The following SGK3 variants were observed in gnomAD, a reference collection of about 807,000 sequenced individuals.
SGK3 encodes the protein serum/glucocorticoid regulated kinase family member 3.
In SGK3, 47 loss-of-function variants were observed where a neutral mutation model predicts 68.5. The ratio of observed to expected loss-of-function variants is 0.69; its 90% CI spans 0.54 to 0.87. The LOEUF is 0.87. SGK3 is among the 40% of genes least tolerant of loss of function. SGK3 has a pLI of 0.00. For missense variants in SGK3, 479 were observed against 575.5 expected, an observed-to-expected ratio of 0.83 and a Z score of 1.72; for synonymous variants, 181 against 189.1, an observed-to-expected ratio of 0.96 and a Z score of 0.35.
intron 4 of SGK3, among the ~76,000 whole-genome samples, chr8:66,810,948 T>C (rs1454358851): frequency 1.3e-5 from 2 of 152,214 alleles, no homozygotes; most frequent in African/African-American, 2.4e-5. Context: ...CCTGTACTTT[T>C]TGTTAACATT....
chr8:66,815,661 C>T (rs1808545735), intron 5 of SGK3, among the ~76,000 whole-genome samples: 1 of 152,054 alleles, frequency 6.6e-6, no homozygotes, highest in Admixed American at 6.6e-5. Context: ...CTTCCTTTGA[C>T]GAGCGGGCAT....
intron 1 of SGK3, among the ~76,000 whole-genome samples, chr8:66,768,896 A>G (rs1349892661): frequency 1.3e-5 from 2 of 152,176 alleles, no homozygotes; most frequent in African/African-American, 4.8e-5. Flanking sequence ...CTGATGAGAA[A>G]TATGCTGACA....
intron 1 of SGK3, among the ~76,000 whole-genome samples, chr8:66,780,010 A>G (rs906440291): frequency 2.0e-4 from 31 of 152,254 alleles, no homozygotes; most frequent in African/African-American, 7.2e-4. Flanking sequence ...GTGTGTTATC[A>G]GATAGAATCA....
rs371749099 is a variant in SGK3 at position 66,757,927 on chromosome 8, G to GTATA, written c.-121-35676_-121-35673dup. Among the ~76,000 whole-genome samples, 1,327 of 134,210 alleles carry GTATA rather than the reference G, an allele frequency of 9.9e-3. 20 individuals are homozygous for GTATA. The highest frequency in any genetic ancestry group is 0.025 in the African/African-American group (896 of 35,268). The allele number at this position is 134,210 out of a possible 152,430, so 88.0% of individuals were successfully genotyped here. A position where few individuals can be genotyped will look rare whatever the true frequency, so the allele number is the denominator to read the frequency against. ...AAGACTCCAGCTTAAAAAAAAAAGT[G>GTATA]TATATATATATATATACATATATAT... On this transcript the variant is annotated intron_variant, in intron 1 of 16. Transcript: ENST00000521198.
chr8:66,814,752 T>C (rs1808511412), intron 5 of SGK3, among the ~76,000 whole-genome samples: 1 of 152,222 alleles, frequency 6.6e-6, no homozygotes, highest in African/African-American at 2.4e-5. Context: ...TTTAAACTTC[T>C]TTCTGTAGGC....
intron 1 of SGK3, among the ~76,000 whole-genome samples, chr8:66,727,001 A>T (rs1323531745): frequency 6.6e-6 from 1 of 152,126 alleles, no homozygotes; most frequent in Non-Finnish European, 1.5e-5. Context: ...TACCACTTAT[A>T]TTAATCCATG....
At chr8:66,783,612 G>C (rs868172702) in intron 1 of SGK3, among the ~76,000 whole-genome samples, 2 of 152,256 alleles carry the variant, frequency 1.3e-5, no homozygotes, top group African/African-American at 2.4e-5. Context: ...TCACCTCCTG[G>C]GCTCAAGCTA....
intron 1 of SGK3, among the ~76,000 whole-genome samples, chr8:66,790,090 A>G (rs998467240): frequency 3.9e-5 from 6 of 152,148 alleles, no homozygotes; most frequent in African/African-American, 1.4e-4. Flanking sequence ...AAAAAAGAAA[A>G]AAAATAGGTC....
In SGK3 at chr8:66,860,582, A is replaced by G. The variant is rs190912922; in HGVS notation, c.*1001A>G. The G allele has an allele frequency of 6.6e-6, 1 of 152,384 alleles. No individual in the cohort carries two copies. The highest frequency in any genetic ancestry group is 1.9e-4 in the East Asian group (1 of 5,194). The allele number at this position is 152,384 out of a possible 1,614,324, so 9.4% of individuals were successfully genotyped here. A position where few individuals can be genotyped will look rare whatever the true frequency, so the allele number is the denominator to read the frequency against. On this transcript the variant is annotated 3_prime_UTR_variant, in exon 17 of 17. Transcript: ENST00000521198. ...TGGTTAGGATTTTTAAGTATTCCCA[A>G]AGATCTGAAGGGTAATAAAATGTAC...
chr8:66,821,432 A>T (rs1376519827), intron 5 of SGK3, among the ~76,000 whole-genome samples: 1 of 152,068 alleles, frequency 6.6e-6, no homozygotes, highest in African/African-American at 2.4e-5. Context: ...CTGGTGGTAA[A>T]TGTCTATTTT....
At chr8:66,830,044 A>G (rs1809243886) in intron 7 of SGK3, among the ~76,000 whole-genome samples, 4 of 152,002 alleles carry the variant, frequency 2.6e-5, no homozygotes. Flanking sequence ...TTGTAGAGAC[A>G]GGGTTTCACC....
chr8:66,822,318 G>A (rs949244857), intron 5 of SGK3, 54 bp from the exon 6 acceptor site: 72 of 1,508,804 alleles, frequency 4.8e-5, no homozygotes, highest in Admixed American at 6.0e-5. Context: ...TTAAAAGGGA[G>A]AAAGGCTGTA....
chr8:66,845,364 A>G (rs920201979), intron 14 of SGK3, among the ~76,000 whole-genome samples: 2 of 152,070 alleles, frequency 1.3e-5, no homozygotes, highest in Admixed American at 6.6e-5. Flanking sequence ...ATGCCACTGC[A>G]CTCCAGCATA....
At chr8:66,839,341 G>A (rs1237103549) in intron 10 of SGK3, among the ~76,000 whole-genome samples, 1 of 150,426 alleles carries the variant, frequency 6.6e-6, no homozygotes, top group Non-Finnish European at 1.5e-5. Context: ...GGTTGCTGCT[G>A]CTGTGAAGTG....
chr8:66,783,791 G>A (rs187399146), intron 1 of SGK3, among the ~76,000 whole-genome samples: 1 of 152,296 alleles, frequency 6.6e-6, no homozygotes, highest in African/African-American at 2.4e-5. Context: ...CACCCCAAGT[G>A]AGGGGATTAA....
chr8:66,725,967 A>ATC (rs1468405177), intron 1 of SGK3, among the ~76,000 whole-genome samples: 1 of 152,146 alleles, frequency 6.6e-6, no homozygotes, highest in African/African-American at 2.4e-5. Flanking sequence ...GTATCTTATC[A>ATC]TCATGGTTAT....
chr8:66,858,356 C>T (rs1448521790), intron 16 of SGK3, among the ~76,000 whole-genome samples: 1 of 151,716 alleles, frequency 6.6e-6, no homozygotes, highest in Admixed American at 6.6e-5. Context: ...GTCCCAGCTA[C>T]TCGGGAGGCT....
At chr8:66,848,400 GTAT>G (rs1391841100) in intron 15 of SGK3, among the ~76,000 whole-genome samples, 2 of 152,134 alleles carry the variant, frequency 1.3e-5, no homozygotes, top group Non-Finnish European at 2.9e-5. Flanking sequence ...CTTCCTCTCT[GTAT>G]TAACTATTTC....
intron 1 of SGK3, among the ~76,000 whole-genome samples, chr8:66,726,128 A>G (rs1804980000): frequency 1.3e-5 from 2 of 152,180 alleles, no homozygotes; most frequent in Admixed American, 6.6e-5. Context: ...TTTATCATGT[A>G]TGACCTGTAT....
Sources: gnomAD v4.1 joint callset for allele counts (sites outside exome capture counted in the v4.1 genomes callset) on GRCh38, gnomAD v4.1.1 for gene constraint, MANE v1.5 for transcripts, NCBI Gene and HGNC (gene_info 2026-07-23, HGNC 2026-07-21) for gene names.